The following SAMD12 variants were observed in gnomAD, a reference collection of about 807,000 sequenced individuals.
The protein encoded by SAMD12 is sterile alpha motif domain containing 12, also known as sterile alpha motif domain-containing protein 12.
SAMD12 carries 9 observed loss-of-function variants against 15.0 expected under a neutral mutation model. That is an observed-to-expected ratio of 0.60 (90% CI 0.36 to 1.05). The LOEUF (loss-of-function observed/expected upper bound fraction) is 1.05. Ranked by LOEUF, SAMD12 falls within the 50% of genes least tolerant of loss-of-function variation. SAMD12 has a pLI of 0.01. For missense variants in SAMD12, 230 were observed against 234.2 expected (o/e 0.98, Z 0.12); for synonymous variants, 86 against 90.1 (o/e 0.96, Z 0.25).
At chr8:118,374,388 T>C (rs895755775), downstream of SAMD12, among the ~76,000 whole-genome samples, 3 of 152,300 alleles carry the variant, frequency 2.0e-5, no homozygotes, top group African/African-American at 7.2e-5. Flanking sequence ...CATCTGTTGA[T>C]AGACATTTGG....
intron 3 of SAMD12, among the ~76,000 whole-genome samples, chr8:118,423,860 A>G (rs1351233740): frequency 6.6e-6 from 1 of 152,162 alleles, no homozygotes; most frequent in Non-Finnish European, 1.5e-5. Flanking sequence ...TATACGAAAA[A>G]TACTTCCTCG....
intron 2 of SAMD12, among the ~76,000 whole-genome samples, chr8:118,462,420 G>T (rs1455056315): frequency 2.6e-5 from 4 of 152,192 alleles, no homozygotes; most frequent in South Asian, 2.1e-4. Flanking sequence ...TTAAGGGACT[G>T]TGCAGGGGAT....
chr8:118,347,537 A>G (rs1417532137), intron 4 of SAMD12, among the ~76,000 whole-genome samples: 5 of 152,244 alleles, frequency 3.3e-5, no homozygotes, highest in African/African-American at 1.2e-4. Context: ...TCTGGATACT[A>G]CAGCTTTTTG....
chr8:118,368,611 A>T (rs1325429408), intron 4 of SAMD12, among the ~76,000 whole-genome samples: 1 of 152,214 alleles, frequency 6.6e-6, no homozygotes, highest in Non-Finnish European at 1.5e-5. Flanking sequence ...GCTCATGGTG[A>T]AAGATGATTC....
chr8:118,373,457 A>G (rs1819212032), downstream of SAMD12, among the ~76,000 whole-genome samples: 1 of 152,158 alleles, frequency 6.6e-6, no homozygotes, highest in South Asian at 2.1e-4. Flanking sequence ...CTGGACTAAA[A>G]TAGCTAGTCC....
intron 2 of SAMD12, among the ~76,000 whole-genome samples, chr8:118,532,006 C>T (rs756173588): frequency 4.4e-4 from 67 of 152,222 alleles, no homozygotes; most frequent in Non-Finnish European, 8.4e-4. Flanking sequence ...GTCTTGCGCC[C>T]GTTTTCAAAG....
At chr8:118,506,067 A>G (rs113937496) in intron 2 of SAMD12, among the ~76,000 whole-genome samples, 3,594 of 152,230 alleles carry the variant, frequency 0.024, 117 homozygotes, top group African/African-American at 0.076. Context: ...CCATACCTGC[A>G]GTCACATTCA....
At chr8:118,487,039 T>C (rs1313039821) in intron 2 of SAMD12, among the ~76,000 whole-genome samples, 2 of 152,052 alleles carry the variant, frequency 1.3e-5, no homozygotes, top group African/African-American at 4.8e-5. Flanking sequence ...GGCAGGGAAG[T>C]GTGGGTGACA....
At chr8:118,134,814 C>A in the SAMD12 span, among the ~76,000 whole-genome samples, 3 of 152,208 alleles carry the variant, frequency 2.0e-5, no homozygotes, top group Non-Finnish European at 4.4e-5. Context: ...TACTCGCCTT[C>A]ATACCAGCCT....
At chr8:118,200,755 T>C (rs1404705578) in intron 4 of SAMD12, among the ~76,000 whole-genome samples, 1 of 152,246 alleles carries the variant, frequency 6.6e-6, no homozygotes, top group African/African-American at 2.4e-5. Flanking sequence ...GAGGTCCCCA[T>C]TTACTCAGGC....
chr8:118,138,055 C>G, the SAMD12 span, among the ~76,000 whole-genome samples: 3 of 151,608 alleles, frequency 2.0e-5, no homozygotes, highest in Non-Finnish European at 4.4e-5. Flanking sequence ...AGGTGTGGGA[C>G]AGACATGTGC....
the SAMD12 span, among the ~76,000 whole-genome samples, chr8:118,163,603 C>T: frequency 5.0e-3 from 756 of 151,444 alleles, 9 homozygotes; most frequent in African/African-American, 0.018. Flanking sequence ...CAGCCGGGTG[C>T]GGTGGCTCAC....
At position 118,379,318 on chromosome 8, in the gene SAMD12, T is replaced by C; in HGVS notation, c.*99A>G. ...ATCCATACAACTGTACGTGACCACC[T>C]TGAAGTTAGCTCAGGTAATTCTGTT... On this transcript the variant is annotated 3_prime_UTR_variant, in exon 4 of 4. Transcript: ENST00000314727. 1.3e-6 allele frequency: 2 copies of C among 1,498,142 alleles called. No homozygotes were observed. Among genetic ancestry groups the C allele is most frequent in the Non-Finnish European group, 1.8e-6 (2 of 1,127,968 alleles). The allele number at this position is 1,498,142 out of a possible 1,614,324, so 92.8% of individuals were successfully genotyped here. A position where few individuals can be genotyped will look rare whatever the true frequency, so the allele number is the denominator to read the frequency against.
intron 4 of SAMD12, among the ~76,000 whole-genome samples, chr8:118,352,685 T>C (rs1029740678): frequency 3.3e-5 from 5 of 152,154 alleles, no homozygotes; most frequent in African/African-American, 9.7e-5. Flanking sequence ...AAACGATCAA[T>C]AGGAAATCAG....
intron 4 of SAMD12, among the ~76,000 whole-genome samples, chr8:118,240,648 C>CT (rs1404889580): frequency 2.0e-5 from 3 of 152,078 alleles, no homozygotes; most frequent in African/African-American, 7.2e-5. Flanking sequence ...TAAATGGAAG[C>CT]TATAATTATT....
intron 3 of SAMD12, among the ~76,000 whole-genome samples, chr8:118,409,218 T>C (rs1323622668): frequency 1.3e-5 from 2 of 152,160 alleles, no homozygotes; most frequent in Admixed American, 6.5e-5. Flanking sequence ...CCAGTGGGAA[T>C]GCAATTTATA....
At chr8:118,132,008 C>A in the SAMD12 span, among the ~76,000 whole-genome samples, 1 of 152,120 alleles carries the variant, frequency 6.6e-6, no homozygotes, top group African/African-American at 2.4e-5. Context: ...CCCCAATATC[C>A]ATTATCAAGT....
chr8:118,475,409 C>A (rs1823929083), intron 2 of SAMD12, among the ~76,000 whole-genome samples: 1 of 152,182 alleles, frequency 6.6e-6, no homozygotes, highest in East Asian at 1.9e-4. Context: ...CCTTCCTGTG[C>A]AGCCTGCAGA....
chr8:118,203,116 A>G (rs1006112246), intron 4 of SAMD12, among the ~76,000 whole-genome samples: 1 of 152,228 alleles, frequency 6.6e-6, no homozygotes, highest in African/African-American at 2.4e-5. Flanking sequence ...TCCTGACTCA[A>G]TAAGAAACAT....
Sources: gnomAD v4.1 joint callset for allele counts (sites outside exome capture counted in the v4.1 genomes callset) on GRCh38, gnomAD v4.1.1 for gene constraint, MANE v1.5 for transcripts, NCBI Gene and HGNC (gene_info 2026-07-23, HGNC 2026-07-21) for gene names.